NEXMIF: variants seen among roughly 807,000 people sequenced by gnomAD.
NEXMIF encodes the protein neurite extension and migration factor, also known as XLMR protein related to neurite extension.
In NEXMIF, 8 loss-of-function variants were observed where a neutral mutation model predicts 62.1. The ratio of observed to expected loss-of-function variants is 0.13; its 90% CI spans 0.08 to 0.23. The LOEUF is 0.23. Among genes scored for constraint, NEXMIF ranks in the 10% least tolerant of loss-of-function variants. NEXMIF has a pLI of 1.00. For missense variants in NEXMIF, 976 were observed against 1,113.3 expected (o/e 0.88, Z 1.75); for synonymous variants, 404 against 416.6 (o/e 0.97, Z 0.37).
chrX:74,861,037 A>G (rs1205126629), intron 1 of NEXMIF, among the ~76,000 whole-genome samples: 1 of 112,168 alleles, frequency 8.9e-6, no homozygotes, highest in Non-Finnish European at 1.9e-5. Flanking sequence ...ACGCACAAAT[A>G]AACAAAATCG....
intron 1 of NEXMIF, among the ~76,000 whole-genome samples, chrX:74,831,463 G>T (rs910402370): frequency 9.3e-6 from 1 of 107,742 alleles, no homozygotes; most frequent in Non-Finnish European, 1.9e-5. Flanking sequence ...TTGTCCTTGC[G>T]ATAGTTTGCT....
intron 1 of NEXMIF, among the ~76,000 whole-genome samples, chrX:74,820,518 G>T (rs184154935): frequency 9.0e-6 from 1 of 110,991 alleles, no homozygotes; most frequent in Non-Finnish European, 1.9e-5. Context: ...ATACCCAAAG[G>T]AATATTAACT....
At chrX:74,909,895 G>A (rs897323535) in intron 1 of NEXMIF, among the ~76,000 whole-genome samples, 3 of 112,501 alleles carry the variant, frequency 2.7e-5, no homozygotes, top group African/African-American at 9.7e-5. Context: ...CAGCTTCCAC[G>A]TGGTGTTGAG....
At chrX:74,887,927 A>T (rs1294122174) in intron 1 of NEXMIF, among the ~76,000 whole-genome samples, 1 of 112,469 alleles carries the variant, frequency 8.9e-6, no homozygotes, top group Non-Finnish European at 1.9e-5. Flanking sequence ...CTGGATTAAG[A>T]AAATGTGGCA....
At chrX:74,895,048 A>G (rs2080728753) in intron 1 of NEXMIF, among the ~76,000 whole-genome samples, 2 of 112,659 alleles carry the variant, frequency 1.8e-5, no homozygotes, top group Admixed American at 1.9e-4. Context: ...CCTTGTTTGC[A>G]TATGATATCA....
chrX:74,850,330 T>C (rs1310164455), intron 1 of NEXMIF, among the ~76,000 whole-genome samples: 2 of 111,939 alleles, frequency 1.8e-5, no homozygotes, highest in Admixed American at 1.9e-4. Context: ...GCTACTGCCA[T>C]CACTCTTTCC....
intron 1 of NEXMIF, among the ~76,000 whole-genome samples, chrX:74,820,911 G>A (rs949886886): frequency 9.0e-6 from 1 of 110,993 alleles, no homozygotes; most frequent in East Asian, 2.9e-4. Context: ...TACCTATCGA[G>A]TACTATGTTC....
chrX:74,882,116 C>T (rs1329243450), intron 1 of NEXMIF, among the ~76,000 whole-genome samples: 1 of 111,465 alleles, frequency 9.0e-6, no homozygotes, highest in Non-Finnish European at 1.9e-5. Context: ...GACTTGGAAC[C>T]AACCCAAATA....
chrX:74,785,296 G>C (rs2080257349), intron 1 of NEXMIF, among the ~76,000 whole-genome samples: 1 of 110,623 alleles, frequency 9.0e-6, no homozygotes. Flanking sequence ...AGATCAAATG[G>C]CTTGAGCTGG....
intron 1 of NEXMIF, among the ~76,000 whole-genome samples, chrX:74,791,243 T>A (rs1159520506): frequency 1.8e-5 from 2 of 111,805 alleles, no homozygotes; most frequent in East Asian, 5.6e-4. Flanking sequence ...ATCATGTGGT[T>A]TTTGTCTTTG....
intron 1 of NEXMIF, among the ~76,000 whole-genome samples, chrX:74,774,333 C>G (rs2080222314): frequency 9.0e-6 from 1 of 111,292 alleles, no homozygotes; most frequent in Non-Finnish European, 1.9e-5. Flanking sequence ...GGCTTTATCA[C>G]CTTAGTACGT....
At chrX:74,795,918 T>C (rs1460155566) in intron 1 of NEXMIF, among the ~76,000 whole-genome samples, 1 of 104,585 alleles carries the variant, frequency 9.6e-6, no homozygotes, top group African/African-American at 3.5e-5. Flanking sequence ...GTGGTATAGA[T>C]GAACAATTGT....
chrX:74,801,879 C>G (rs1044177857), intron 1 of NEXMIF, among the ~76,000 whole-genome samples: 1 of 112,200 alleles, frequency 8.9e-6, no homozygotes, highest in African/African-American at 3.2e-5. Context: ...CACAAGCTGA[C>G]TGAAGAGCCC....
intron 1 of NEXMIF, among the ~76,000 whole-genome samples, chrX:74,827,111 C>T (rs1017763775): frequency 2.7e-5 from 3 of 112,420 alleles, no homozygotes; most frequent in African/African-American, 9.7e-5. Flanking sequence ...TAGCTTTTCC[C>T]TTTCACTGAC....
At chrX:74,877,531 T>A (rs763577724) in intron 1 of NEXMIF, among the ~76,000 whole-genome samples, 10 of 111,388 alleles carry the variant, frequency 9.0e-5, no homozygotes, top group African/African-American at 3.3e-4. Context: ...AATCTGAACG[T>A]TGGCCTGCCT....
chrX:74,793,970 T>G (rs1369272420), intron 1 of NEXMIF, among the ~76,000 whole-genome samples: 2 of 85,085 alleles, frequency 2.4e-5, no homozygotes, highest in Non-Finnish European at 4.7e-5. Context: ...CCTTCTTCTC[T>G]CAGCTCGTCA....
intron 1 of NEXMIF, among the ~76,000 whole-genome samples, chrX:74,875,462 G>T (rs1281178828): frequency 3.6e-5 from 4 of 111,200 alleles, no homozygotes; most frequent in Non-Finnish European, 5.7e-5. Context: ...TCTCTTTTTT[G>T]GTTGTGTCTC....
At chrX:74,824,352 A>G (rs1730968579) in intron 1 of NEXMIF, among the ~76,000 whole-genome samples, 1 of 111,843 alleles carries the variant, frequency 8.9e-6, no homozygotes, top group African/African-American at 3.2e-5. Flanking sequence ...AGATTCCACA[A>G]GTGAAAACAT....
intron 1 of NEXMIF, among the ~76,000 whole-genome samples, chrX:74,760,403 T>C (rs1401420829): frequency 8.9e-6 from 1 of 111,788 alleles, no homozygotes; most frequent in African/African-American, 3.3e-5. Context: ...GTCTGATTAC[T>C]CTGGCCAGAA....
Sources: gnomAD v4.1 joint callset for allele counts (sites outside exome capture counted in the v4.1 genomes callset) on GRCh38, gnomAD v4.1.1 for gene constraint, MANE v1.5 for transcripts, NCBI Gene and HGNC (gene_info 2026-07-23, HGNC 2026-07-21) for gene names.